The following CNOT6L variants were observed in gnomAD, a reference collection of about 807,000 sequenced individuals.
CNOT6L encodes CCR4-NOT transcription complex subunit 6-like.
Under a neutral mutation model 64.0 loss-of-function variants are expected in CNOT6L, and 7 were observed. The ratio of observed to expected loss-of-function variants is 0.11; its 90% CI spans 0.06 to 0.21. CNOT6L has a LOEUF of 0.21. CNOT6L is among the 10% of genes least tolerant of loss of function. The pLI, the probability that CNOT6L is intolerant of heterozygous loss-of-function variation, is 1.00. For synonymous variants in CNOT6L, 193 were observed against 243.4 expected, an observed-to-expected ratio of 0.79 and a Z score of 1.93; for missense variants, 245 against 669.0, an observed-to-expected ratio of 0.37 and a Z score of 6.99.
chr4:77,776,155 T>C (rs1164544711), intron 2 of CNOT6L, 116 bp downstream of exon 2: 1 of 977,930 alleles, frequency 1.0e-6, no homozygotes, highest in Non-Finnish European at 1.5e-6. Context: ...TCTTACCATC[T>C]TGTAGTTTTT....
chr4:77,727,089 G>A (rs1286623694), intron 10 of CNOT6L, among the ~76,000 whole-genome samples: 4 of 152,128 alleles, frequency 2.6e-5, no homozygotes, highest in African/African-American at 9.7e-5. Flanking sequence ...TTTGTAATAA[G>A]GATTGATAGT....
In CNOT6L at chr4:77,744,847, C is replaced by T. The variant is rs1372934112; in HGVS notation, c.588G>A (p.Val196=). The change falls in exon 7 of 12, where the codon GTG becomes GTA. Residue 196 remains valine, a synonymous_variant. Transcript: ENST00000504123. ...SASFTVMCYN[V]LCDKYATRQL... ...GCCGGGTAGCGTATTTATCACATAA[C>T]ACATTGTAACACATAACCGTGAATG... 8.1e-6 allele frequency: 13 copies of T among 1,610,898 alleles called. No homozygotes were observed. Among genetic ancestry groups the T allele is most frequent in the East Asian group, 2.2e-5 (1 of 44,822 alleles).
chr4:77,783,098 T>A (rs944035874), intron 1 of CNOT6L, among the ~76,000 whole-genome samples: 52 of 98,600 alleles, frequency 5.3e-4, no homozygotes, highest in Admixed American at 3.7e-3. Flanking sequence ...AACATTTTTT[T>A]AAAAAAGACT....
rs368945536 is a variant in CNOT6L at position 77,818,926 on chromosome 4, C to G, written c.5+378G>C. The G allele has an allele frequency of 9.6e-4, 580 of 606,216 alleles. 6 individuals are homozygous for G. Among genetic ancestry groups the G allele is most frequent in the South Asian group, 4.4e-3 (279 of 64,046 alleles). The allele number at this position is 606,216 out of a possible 1,614,324, so 37.6% of individuals were successfully genotyped here. A position where few individuals can be genotyped will look rare whatever the true frequency, so the allele number is the denominator to read the frequency against. ...CCCAGCCCCGCTGCCGCGCGTGTGCCGCACTCACTCAGCCCTCCCCGGCCG... is the reference window on the plus strand; with the variant it reads ...CCCAGCCCCGCTGCCGCGCGTGTGCGGCACTCACTCAGCCCTCCCCGGCCG... On this transcript the variant is annotated intron_variant, in intron 1 of 11. Coordinates refer to ENST00000504123, the MANE Select transcript of CNOT6L (RefSeq NM_144571.3).
In CNOT6L at chr4:77,726,260, T is replaced by G. The variant is rs1193331505; in HGVS notation, c.1362A>C (p.Gly454=). The change falls in exon 11 of 12, where the codon GGA becomes GGC. Residue 454 remains glycine (G), a synonymous_variant. Coordinates refer to ENST00000504123, the MANE Select transcript of CNOT6L (RefSeq NM_144571.3). ...CATGTGTGATTCTCCCTTCTGAGCT[T>G]CCATTCTTTCCATTGCAGCTGAAGT... The part of the protein sequence containing the change: ...LMNFSCNGKN[G]SSEGRITHGF... 3 of 1,613,872 alleles carry G rather than the reference T, an allele frequency of 1.9e-6. No individual in the cohort carries two copies. The highest frequency in any genetic ancestry group is 1.3e-5 in the African/African-American group (1 of 75,044).
At chr4:77,812,861 C>A (rs192302578) in intron 1 of CNOT6L, among the ~76,000 whole-genome samples, 1 of 152,058 alleles carries the variant, frequency 6.6e-6, no homozygotes, top group Admixed American at 6.5e-5. Context: ...ATTCAAATAG[C>A]CAAAACAATC....
intron 2 of CNOT6L, among the ~76,000 whole-genome samples, chr4:77,775,669 A>G (rs1192084614): frequency 6.6e-6 from 1 of 152,090 alleles, no homozygotes; most frequent in African/African-American, 2.4e-5. Context: ...GCATTTAGTT[A>G]CCTCTCCTCA....
chr4:77,750,508 C>A (rs1724740345), intron 5 of CNOT6L, among the ~76,000 whole-genome samples: 1 of 152,100 alleles, frequency 6.6e-6, no homozygotes, highest in Admixed American at 6.6e-5. Flanking sequence ...CCCACCACCA[C>A]ACCCAGCTAA....
At chr4:77,744,656 ATCTTC>A (rs1162687291) in intron 7 of CNOT6L, 57 bp downstream of exon 7, 5 of 1,425,534 alleles carry the variant, frequency 3.5e-6, no homozygotes, top group Non-Finnish European at 9.4e-7. Flanking sequence ...CAGTGGTCAG[ATCTTC>A]TCTTATGTTT....
chr4:77,793,928 A>T (rs964898336), intron 1 of CNOT6L, among the ~76,000 whole-genome samples: 11 of 151,944 alleles, frequency 7.2e-5, no homozygotes, highest in Non-Finnish European at 1.5e-5. Context: ...CGGCGGGTAG[A>T]TCAACTGAGG....
At chr4:77,720,712 A>G (rs1477662324) in intron 11 of CNOT6L, 69 bp from the exon 12 acceptor site, 2 of 1,473,032 alleles carry the variant, frequency 1.4e-6, no homozygotes, top group Admixed American at 1.9e-5. Context: ...CATAATTTAT[A>G]AAAACCAAAA....
At chr4:77,730,419 CAA>C (rs956494838) in intron 9 of CNOT6L, among the ~76,000 whole-genome samples, 1 of 151,932 alleles carries the variant, frequency 6.6e-6, no homozygotes, top group African/African-American at 2.4e-5. Flanking sequence ...TCTATGAGTA[CAA>C]GAGATATGTA....
chr4:77,742,389 G>T, intron 7 of CNOT6L, 94 bp from the exon 8 acceptor site: 1 of 1,159,400 alleles, frequency 8.6e-7, no homozygotes, highest in Non-Finnish European at 1.3e-6. Flanking sequence ...ATGTAACTTA[G>T]TAAAAATAAT....
At chr4:77,752,255 AC>A (rs1724938687) in intron 5 of CNOT6L, among the ~76,000 whole-genome samples, 1 of 152,306 alleles carries the variant, frequency 6.6e-6, no homozygotes, top group South Asian at 2.1e-4. Context: ...ATGAAAATAC[AC>A]CCTAAGTATA....
intron 2 of CNOT6L, 99 bp downstream of exon 2, chr4:77,776,172 G>A (rs1728119808): frequency 8.6e-7 from 1 of 1,167,316 alleles, no homozygotes; most frequent in Admixed American, 2.1e-5. Context: ...TTTTCAATGA[G>A]TCCATCTAAT....
At chr4:77,735,118 G>A (rs1722805468) in intron 8 of CNOT6L, among the ~76,000 whole-genome samples, 2 of 152,110 alleles carry the variant, frequency 1.3e-5, no homozygotes, top group South Asian at 4.1e-4. Context: ...GAAAGCAAAA[G>A]TTAAAAGTCC....
chr4:77,784,904 C>A (rs531737948), intron 1 of CNOT6L, among the ~76,000 whole-genome samples: 53 of 152,290 alleles, frequency 3.5e-4, no homozygotes, highest in African/African-American at 1.3e-3. Flanking sequence ...TCTTTTACCT[C>A]TTCTTCTGTA....
At chr4:77,749,501 G>T (rs1560587216) in intron 5 of CNOT6L, among the ~76,000 whole-genome samples, 4 of 152,066 alleles carry the variant, frequency 2.6e-5, no homozygotes, top group Admixed American at 2.0e-4. Context: ...ACCTAAGCTG[G>T]CTTGCTTAAA....
chr4:77,795,016 T>G (rs1730652514), intron 1 of CNOT6L, among the ~76,000 whole-genome samples: 1 of 118,794 alleles, frequency 8.4e-6, no homozygotes, highest in African/African-American at 3.0e-5. Context: ...AAAAAAGAAA[T>G]TTTTCTTTTT....
Sources: gnomAD v4.1 joint callset for allele counts (sites outside exome capture counted in the v4.1 genomes callset) on GRCh38, gnomAD v4.1.1 for gene constraint, MANE v1.5 for transcripts, NCBI Gene and HGNC (gene_info 2026-07-23, HGNC 2026-07-21) for gene names.